GRM6: variants seen among roughly 807,000 people sequenced by gnomAD.
GRM6 encodes the protein glutamate metabotropic receptor 6.
A neutral mutation model predicts 78.4 loss-of-function variants in GRM6; 73 were observed. That is an observed-to-expected ratio of 0.93 (90% confidence interval 0.77 to 1.13). GRM6 has a LOEUF of 1.13. GRM6 is among the 50% of genes most tolerant of loss of function. The pLI is 0.00. For missense variants in GRM6, 1,251 were observed against 1,256.4 expected (o/e 1.00, Z 0.07); for synonymous variants, 580 against 555.0 (o/e 1.05, Z -0.63).
chr5:178,985,819 T>C lies in GRM6; in HGVS notation c.2124+311A>G, dbSNP rs186060252. On this transcript the variant is annotated intron_variant, in intron 9 of 10. Coordinates refer to ENST00000517717, the MANE Select transcript of GRM6 (RefSeq NM_000843.4). Reference sequence around the variant, plus strand: ...CTCTGACACCCAAGCTGGATTGTAGTGGTGCGATCTTGGCTCACAGCAACC... The same window carrying C: ...CTCTGACACCCAAGCTGGATTGTAGCGGTGCGATCTTGGCTCACAGCAACC... The C allele has an allele frequency of 7.1e-5, 37 of 523,490 alleles. No homozygotes were observed. The Admixed American group carries it at 9.9e-4, about 14-fold the overall frequency. The allele number at this position is 523,490 out of a possible 1,614,324, so 32.4% of individuals were successfully genotyped here.
rs1052132253 is a variant in GRM6, at chr5:178,988,752, G to T, written c.1354+183C>A. On this transcript the variant is annotated intron_variant, in intron 7 of 10. Coordinates refer to ENST00000517717, the MANE Select transcript of GRM6 (RefSeq NM_000843.4). The surrounding 1 kb of genome is among the most constrained non-coding windows in gnomAD (Gnocchi z 6.0). ...GCAGGGAACACTGAAGCCTGGGGAG[G>T]GAGCAGTGTTAAAAATTGGGGACCG... Among the ~76,000 whole-genome samples, 23 of 152,120 alleles carry T rather than the reference G, an allele frequency of 1.5e-4. No homozygotes were observed. Among genetic ancestry groups the T allele is most frequent in the Admixed American group, 5.2e-4 (8 of 15,272 alleles).
In GRM6 at chr5:178,986,937, G is replaced by A. The variant is rs368927032; in HGVS notation, c.1401C>T (p.Pro467=). Residue 467 remains proline, a synonymous_variant, in exon 8 of 11, where the codon CCC becomes CCT. Coordinates refer to ENST00000517717, the MANE Select transcript of GRM6 (RefSeq NM_000843.4). ...PVMFNENGDA[P]GRYDIFQYQA... is the part of the protein sequence containing the mutation. ...GGTACTGGAAGATGTCGTACCGCCCGGGCGCATCTCCGTTCTCGTTGAACA... is the reference window on the plus strand; with the variant it reads ...GGTACTGGAAGATGTCGTACCGCCCAGGCGCATCTCCGTTCTCGTTGAACA... 1.5e-4 allele frequency: 245 copies of A among 1,614,050 alleles called. 3 individuals are homozygous for A. Among genetic ancestry groups the A allele is most frequent in the South Asian group, 5.7e-4 (52 of 91,064 alleles).
Position 178,988,367 on chromosome 5 carries a change from G to A in GRM6, c.1354+568C>T, listed in dbSNP as rs1263428668. On this transcript the variant is annotated intron_variant, in intron 7 of 10. Coordinates refer to ENST00000517717, the MANE Select transcript of GRM6 (RefSeq NM_000843.4). This position sits in a 1 kb window ranked among gnomAD's most constrained non-coding sequence, Gnocchi z 6.0. The stretch of plus-strand genomic sequence containing the variant: ...GTGAGTGAGTGTTCAGTGGAAGAGC[G>A]GAGTTTTGAATTGTGTAAAGGATAG... 2.0e-5 allele frequency among the ~76,000 whole-genome samples: 3 copies of A among 152,166 alleles called. No individual in the cohort carries two copies. Among genetic ancestry groups the A allele is most frequent in the African/African-American group, 7.2e-5 (3 of 41,444 alleles).
At chr5:178,984,096 A>C (rs1760459571) in intron 9 of GRM6, among the ~76,000 whole-genome samples, 1 of 152,192 alleles carries the variant, frequency 6.6e-6, no homozygotes, top group Non-Finnish European at 1.5e-5. Context: ...GGACCTTCCA[A>C]ATAAGTGGAT....
In GRM6 at chr5:178,992,045, G is replaced by A; in HGVS notation, c.543C>T (p.Leu181=). 2 of 1,614,002 alleles carry A rather than the reference G, an allele frequency of 1.2e-6. No homozygotes were observed. Among genetic ancestry groups the A allele is most frequent in the South Asian group, 2.2e-5 (2 of 91,088 alleles). ...AGAAGTCATAGCGTGTGGAGTCGCT[G>A]AGCTCCGGGGCTGTGGAGGCATAGC... ...QISYASTAPE[L]SDSTRYDFFS... Residue 181 remains leucine, a synonymous_variant, in exon 3 of 11, where the codon CTC becomes CTT. Coordinates refer to ENST00000517717, the MANE Select transcript of GRM6 (RefSeq NM_000843.4). The surrounding 1 kb of genome is among the most constrained non-coding windows in gnomAD (Gnocchi z 4.9).
chr5:178,989,058 T>C lies in GRM6; in HGVS notation c.1231A>G (p.Ile411Val). ...TGCATGCTGTGGAGGGCGTGGGCAA[T>C]GGCGTACACCGCATCAATCACAAAC... ...VQFVIDAVYAIAHALHSMHQA... is the reference protein window; with the variant it reads ...VQFVIDAVYAVAHALHSMHQA... Residue 411 changes from isoleucine to valine, a missense_variant, in exon 7 of 11, where the codon ATT (isoleucine) becomes GTT (valine). By Grantham distance (29) the Ile-to-Val change is conservative. Transcript: ENST00000517717. 6.2e-7 allele frequency: 1 copy of C among 1,614,010 alleles called. No homozygotes were observed.
chr5:178,984,728 G>A (rs957976428), intron 9 of GRM6, among the ~76,000 whole-genome samples: 2 of 152,140 alleles, frequency 1.3e-5, no homozygotes, highest in Admixed American at 6.5e-5. Flanking sequence ...GGAGGAAGAC[G>A]GGAGCACCTC....
intron 7 of GRM6, chr5:178,987,427 G>T: frequency 2.2e-6 from 1 of 458,588 alleles, no homozygotes; most frequent in Non-Finnish European, 4.4e-6. Flanking sequence ...ACTGACAGAA[G>T]AATGGACGAA....
chr5:178,987,043 G>A, intron 7 of GRM6, 60 bp from the exon 8 acceptor site: 15 of 1,557,450 alleles, frequency 9.6e-6, no homozygotes, highest in Non-Finnish European at 1.3e-5. Flanking sequence ...GGCCTCCTGG[G>A]GAGGCCCCAG....
In GRM6 at chr5:178,981,374, A is replaced by G. The variant is rs1475158666; in HGVS notation, c.*283T>C. On this transcript the variant is annotated 3_prime_UTR_variant, in exon 11 of 11. Transcript: ENST00000517717. This position sits in a 1 kb window ranked among gnomAD's most constrained non-coding sequence, Gnocchi z 5.1. ...TCCTCTTTGGACTTCGGATGAGAGA[A>G]TAAGTTTAGTCCCTTTCTAGAGCTA... 8 of 428,276 alleles carry G rather than the reference A, an allele frequency of 1.9e-5. No individual in the cohort carries two copies. The highest frequency in any genetic ancestry group is 2.6e-5 in the Non-Finnish European group (6 of 234,010). The allele number at this position is 428,276 out of a possible 1,614,324, so 26.5% of individuals were successfully genotyped here. A position where few individuals can be genotyped will look rare whatever the true frequency, so the allele number is the denominator to read the frequency against.
At chr5:178,985,710 AAAAAC>A (rs751119030) in intron 9 of GRM6, 10 of 417,752 alleles carry the variant, frequency 2.4e-5, no homozygotes, top group South Asian at 7.1e-5. Flanking sequence ...CTAAAAAAAA[AAAAAC>A]AAAACAACAC....
At position 178,991,575 on chromosome 5, in the gene GRM6, G is replaced by A. The variant is rs1396100720; in HGVS notation, c.722-16C>T. On this transcript the variant is annotated splice_polypyrimidine_tract_variant and intron_variant, in intron 3 of 10. Coordinates refer to ENST00000517717, the MANE Select transcript of GRM6 (RefSeq NM_000843.4). The surrounding 1 kb of genome is among the most constrained non-coding windows in gnomAD (Gnocchi z 5.0). ...CAGACCCCCCCTGGGCGTTGGGGGT[G>A]CCAGAGTCAGCTTCCGTCCCACCCA... The A allele has an allele frequency of 6.2e-7, 1 of 1,613,366 alleles. No homozygotes were observed. Among genetic ancestry groups the A allele is most frequent in the Non-Finnish European group, 8.5e-7 (1 of 1,179,512 alleles).
In GRM6 at chr5:178,986,819, G is replaced by T; in HGVS notation, c.1500+19C>A. On this transcript the variant is annotated intron_variant, in intron 8 of 10. Transcript: ENST00000517717. ...GATCCTGGGCCCATGCCCACCTGGG[G>T]CTCGGTCTGCACACTCACATCCAGT... 6 of 1,613,162 alleles carry T rather than the reference G, an allele frequency of 3.7e-6. No individual in the cohort carries two copies. Among genetic ancestry groups the T allele is most frequent in the Non-Finnish European group, 5.1e-6 (6 of 1,179,788 alleles).
intron 2 of GRM6, among the ~76,000 whole-genome samples, chr5:178,994,202 AC>A (rs1284683353): frequency 1.3e-5 from 2 of 152,132 alleles, no homozygotes; most frequent in Non-Finnish European, 2.9e-5. Context: ...CGTAGGTGGC[AC>A]CCGCCCGGGA....
rs552708683 is a variant in GRM6, at chr5:178,978,439, A to G, written c.*3218T>C. The G allele has an allele frequency of 5.9e-5, 9 of 152,378 alleles. No homozygotes were observed. Among genetic ancestry groups the G allele is most frequent in the Admixed American group, 2.6e-4 (4 of 15,304 alleles). 9.4% of individuals were successfully genotyped at this position (152,378 alleles called of 1,614,324 possible). A position where few individuals can be genotyped will look rare whatever the true frequency, so the allele number is the denominator to read the frequency against. On this transcript the variant is annotated 3_prime_UTR_variant, in exon 11 of 11. Transcript: ENST00000517717. ...AATTAAAGGGAAATTTCTAAAGAGC[A>G]AAAAGGATAAGAAATGGGACAAAGC...
rs746890644 is a variant in GRM6, at chr5:178,981,903, GC to G, written c.2437-50del. The G allele has an allele frequency of 1.1e-5, 12 of 1,135,110 alleles. No homozygotes were observed. Among genetic ancestry groups the G allele is most frequent in the Middle Eastern group, 3.9e-4 (2 of 5,124 alleles). The allele number at this position is 1,135,110 out of a possible 1,614,324, so 70.3% of individuals were successfully genotyped here. ...GATGGGACTCAGCCCTGCTCTCCCTGCCCCGCTCCACACAGTCCTCACCACA... is the reference window on the plus strand; with the variant it reads ...GATGGGACTCAGCCCTGCTCTCCCTGCCCGCTCCACACAGTCCTCACCACA... On this transcript the variant is annotated intron_variant, in intron 10 of 10. Transcript: ENST00000517717. This position sits in a 1 kb window ranked among gnomAD's most constrained non-coding sequence, Gnocchi z 5.1.
At chr5:178,983,370 C>G in intron 9 of GRM6, 149 bp from the exon 10 acceptor site, 1 of 761,034 alleles carries the variant, frequency 1.3e-6, no homozygotes, top group Non-Finnish European at 2.3e-6. Context: ...CTCAGGAGCA[C>G]TCAGTGGAGA....
rs1313030157 is a variant in GRM6, at chr5:178,991,823, C to G, written c.721+44G>C. On this transcript the variant is annotated intron_variant, in intron 3 of 10. Transcript: ENST00000517717. The surrounding 1 kb of genome is among the most constrained non-coding windows in gnomAD (Gnocchi z 5.0). ...TCTGCCCCAACTGAGGGCCCCGGGC[C>G]CACACTATGTAGACTCCTTGGTGCC... 2 of 1,535,828 alleles carry G rather than the reference C, an allele frequency of 1.3e-6. No individual in the cohort carries two copies. Among genetic ancestry groups the G allele is most frequent in the East Asian group, 2.3e-5 (1 of 43,902 alleles).
intron 9 of GRM6, chr5:178,985,593 CT>C (rs1365821592): frequency 8.6e-6 from 3 of 348,558 alleles, no homozygotes; most frequent in African/African-American, 2.2e-5. Context: ...GTCCCAGCTA[CT>C]CGGGAGGCTG....
Sources: allele counts gnomAD v4.1 joint callset (sites outside exome capture counted in the v4.1 genomes callset), GRCh38; gene constraint gnomAD v4.1.1; non-coding constraint Gnocchi (gnomAD v3.1); transcripts MANE v1.5; gene names NCBI Gene and HGNC (gene_info 2026-07-23, HGNC 2026-07-21).